The following ZNF804B variants were observed in gnomAD, a reference collection of about 807,000 sequenced individuals.
ZNF804B encodes the protein zinc finger 804B.
Under a neutral mutation model 101.4 loss-of-function variants are expected in ZNF804B, and 80 were observed. The observed-to-expected ratio is 0.79, with a 90% confidence interval of 0.66 to 0.95. The LOEUF is 0.95. Among genes scored for constraint, ZNF804B ranks in the 40% least tolerant of loss-of-function variants. The probability of loss-of-function intolerance (pLI) is 0.00; values close to 1 mark genes in which losing one functional copy is unlikely to be tolerated. For missense variants in ZNF804B, 1,673 were observed against 1,561.9 expected (o/e 1.07, Z -1.20); for synonymous variants, 622 against 558.8 (o/e 1.11, Z -1.59).
At position 89,007,444 on chromosome 7, in the gene ZNF804B, TTTTATATA is replaced by T. The variant is rs1439112940; in HGVS notation, c.109-210709_109-210702del. 1.4e-3 allele frequency among the ~76,000 whole-genome samples: 68 copies of T among 47,706 alleles called. 1 individual carries two copies. The highest frequency in any genetic ancestry group is 5.9e-3 in the African/African-American group (59 of 10,024). 31.3% of individuals were successfully genotyped at this position (47,706 alleles called of 152,430 possible). ...ACATGTTATCTAAAGTTATCCATGATTTTATATATATATATATATATATATATATATAT... is the reference window on the plus strand; with the variant it reads ...ACATGTTATCTAAAGTTATCCATGATTATATATATATATATATATATATAT... On this transcript the variant is annotated intron_variant, in intron 1 of 3. Transcript: ENST00000333190.
At chr7:88,976,337 G>T (rs956932037) in intron 1 of ZNF804B, among the ~76,000 whole-genome samples, 5 of 151,292 alleles carry the variant, frequency 3.3e-5, no homozygotes, top group Non-Finnish European at 4.4e-5. Context: ...AGATTTCTTT[G>T]GTTAGTATTG....
At chr7:89,009,859 G>C (rs1788428218) in intron 1 of ZNF804B, among the ~76,000 whole-genome samples, 1 of 152,140 alleles carries the variant, frequency 6.6e-6, no homozygotes, top group Non-Finnish European at 1.5e-5. Flanking sequence ...ATGGTGTTTT[G>C]TTATAGAAGC....
chr7:88,974,626 C>G (rs115840483), intron 1 of ZNF804B, among the ~76,000 whole-genome samples: 3,417 of 151,092 alleles, frequency 0.023, 134 homozygotes, highest in African/African-American at 0.078. Context: ...AAAATTCAAG[C>G]TGATTCTTTA....
chr7:89,333,487 A>G lies in ZNF804B; in HGVS notation c.505A>G (p.Lys169Glu). 6.2e-7 allele frequency: 1 copy of G among 1,613,366 alleles called. No individual in the cohort carries two copies. Among genetic ancestry groups the G allele is most frequent in the South Asian group, 1.1e-5 (1 of 91,058 alleles). Reference protein sequence around the residue: ...VSCMKSALLLKGKNLPRIISD... With the variant: ...VSCMKSALLLEGKNLPRIISD... ...ATGCATGAAGAGTGCTCTTCTCCTT[A>G]AAGGAAAAAATCTCCCCAGAATCAT... The change falls in exon 4 of 4, where the codon AAA becomes GAA. Residue 169 changes from lysine to glutamate, a missense_variant. By Grantham distance (56) the Lys-to-Glu change is moderately conservative. Coordinates refer to ENST00000333190, the MANE Select transcript of ZNF804B (RefSeq NM_181646.5).
intron 1 of ZNF804B, among the ~76,000 whole-genome samples, chr7:88,867,365 G>A (rs1456674063): frequency 6.6e-6 from 1 of 152,188 alleles, no homozygotes; most frequent in Non-Finnish European, 1.5e-5. Flanking sequence ...CTCCATTTGT[G>A]GATGAAAGCC....
intron 1 of ZNF804B, among the ~76,000 whole-genome samples, chr7:88,876,577 C>G (rs1338460452): frequency 6.6e-6 from 1 of 152,206 alleles, no homozygotes; most frequent in East Asian, 1.9e-4. Flanking sequence ...TCTCTGACCA[C>G]TAGGTCTATT....
At position 89,319,886 on chromosome 7, in the gene ZNF804B, A is replaced by G. The variant is rs1362378815; in HGVS notation, c.250-7458A>G. 1.8e-4 allele frequency among the ~76,000 whole-genome samples: 27 copies of G among 152,196 alleles called. 1 individual carries two copies. Among genetic ancestry groups the G allele is most frequent in the Admixed American group, 1.6e-3 (25 of 15,276 alleles). On this transcript the variant is annotated intron_variant, in intron 2 of 3. Coordinates refer to ENST00000333190, the MANE Select transcript of ZNF804B (RefSeq NM_181646.5). The stretch of plus-strand genomic sequence containing the variant: ...GTACTTGAGGGCTCACAGAAAAAGA[A>G]GCATGTCTGTTTCTGGGTATAAATA...
intron 1 of ZNF804B, among the ~76,000 whole-genome samples, chr7:88,857,414 A>C (rs990124928): frequency 6.6e-6 from 1 of 152,204 alleles, no homozygotes; most frequent in Non-Finnish European, 1.5e-5. Context: ...GATGCAATAA[A>C]AAATGATAAA....
intron 1 of ZNF804B, among the ~76,000 whole-genome samples, chr7:88,781,898 T>C (rs1790232664): frequency 6.6e-6 from 1 of 152,162 alleles, no homozygotes; most frequent in Admixed American, 6.5e-5. Flanking sequence ...AATTAATTGA[T>C]TGAGAGGACT....
At chr7:89,195,380 GA>G in intron 1 of ZNF804B, among the ~76,000 whole-genome samples, 1 of 142,252 alleles carries the variant, frequency 7.0e-6, no homozygotes, top group Non-Finnish European at 1.5e-5. Context: ...ATTCAATTAG[GA>G]AAAGAGGAAG....
At chr7:89,320,754 C>A (rs1345888669) in intron 2 of ZNF804B, among the ~76,000 whole-genome samples, 1 of 151,974 alleles carries the variant, frequency 6.6e-6, no homozygotes, top group Non-Finnish European at 1.5e-5. Context: ...AAGAGAAAAT[C>A]TTTAATCCAA....
chr7:88,963,586 TG>T lies in ZNF804B; in HGVS notation c.108+203506del, dbSNP rs1168879273. On this transcript the variant is annotated intron_variant, in intron 1 of 3. Coordinates refer to ENST00000333190, the MANE Select transcript of ZNF804B (RefSeq NM_181646.5). The stretch of plus-strand genomic sequence containing the variant: ...ACTATGAAAGCTGCAGAAGAAAACA[TG>T]GGGCAAAATGTTTATAATTGCATTT... 2.0e-5 allele frequency among the ~76,000 whole-genome samples: 3 copies of T among 151,356 alleles called. No homozygotes were observed. The East Asian group carries it at 5.9e-4, about 30-fold the overall frequency.
intron 1 of ZNF804B, among the ~76,000 whole-genome samples, chr7:88,930,199 A>G (rs975096264): frequency 5.3e-5 from 8 of 152,100 alleles, no homozygotes; most frequent in African/African-American, 1.4e-4. Context: ...TTGTGTTACA[A>G]ATGTCTCAGG....
chr7:88,800,658 G>C (rs1351417890), intron 1 of ZNF804B, among the ~76,000 whole-genome samples: 1 of 151,556 alleles, frequency 6.6e-6, no homozygotes, highest in South Asian at 2.1e-4. Flanking sequence ...GGAAGAATGA[G>C]CATTTAAGCT....
intron 1 of ZNF804B, among the ~76,000 whole-genome samples, chr7:88,916,916 G>A (rs1250143368): frequency 6.6e-6 from 1 of 152,082 alleles, no homozygotes; most frequent in Non-Finnish European, 1.5e-5. Context: ...ATGGTGTGTT[G>A]AAATATGCAG....
At chr7:88,879,338 C>T (rs1449374124) in intron 1 of ZNF804B, among the ~76,000 whole-genome samples, 1 of 152,092 alleles carries the variant, frequency 6.6e-6, no homozygotes, top group African/African-American at 2.4e-5. Context: ...AAAAATCTTA[C>T]TTTTTATGCA....
rs1192211578 is a variant in ZNF804B at position 88,893,835 on chromosome 7, T to C, written c.108+133751T>C. ...TTTTAACTTTTATTCTCAATGTCCA[T>C]CAGATAATTTGAAATTAACATTCAT... On this transcript the variant is annotated intron_variant, in intron 1 of 3. Coordinates refer to ENST00000333190, the MANE Select transcript of ZNF804B (RefSeq NM_181646.5). 4.6e-5 allele frequency among the ~76,000 whole-genome samples: 7 copies of C among 152,168 alleles called. 1 individual carries two copies. Among genetic ancestry groups the C allele is most frequent in the African/African-American group, 1.7e-4 (7 of 41,444 alleles).
chr7:89,294,663 G>A (rs1431340753), intron 2 of ZNF804B, among the ~76,000 whole-genome samples: 3 of 151,400 alleles, frequency 2.0e-5, no homozygotes, highest in East Asian at 1.9e-4. Flanking sequence ...TTATTTTCCT[G>A]TCTCTGTTAT....
intron 1 of ZNF804B, among the ~76,000 whole-genome samples, chr7:88,840,759 G>A (rs1046398556): frequency 5.9e-5 from 9 of 152,110 alleles, no homozygotes; most frequent in Non-Finnish European, 5.9e-5. Context: ...TGTGTTTTGG[G>A]AGGTAGGATA....
Sources: allele counts gnomAD v4.1 joint callset (sites outside exome capture counted in the v4.1 genomes callset), GRCh38; gene constraint gnomAD v4.1.1; transcripts MANE v1.5; gene names NCBI Gene and HGNC (gene_info 2026-07-23, HGNC 2026-07-21).